The following GRM8 variants were observed in gnomAD, a reference collection of about 807,000 sequenced individuals.
GRM8 encodes the protein glutamate metabotropic receptor 8, also known as metabotropic glutamate receptor 8.
In GRM8, 47 loss-of-function variants were observed where a neutral mutation model predicts 87.2. The observed-to-expected ratio is 0.54, with a 90% CI of 0.43 to 0.69. The LOEUF is 0.69. Ranked by LOEUF, GRM8 falls within the 30% of genes least tolerant of loss-of-function variation. GRM8 has a pLI of 0.00. For missense variants in GRM8, 1,019 were observed against 1,139.2 expected (o/e 0.89, Z 1.52); for synonymous variants, 396 against 404.5 (o/e 0.98, Z 0.25).
At chr7:126,671,508 T>A (rs1806383025) in intron 7 of GRM8, among the ~76,000 whole-genome samples, 1 of 152,218 alleles carries the variant, frequency 6.6e-6, no homozygotes, top group African/African-American at 2.4e-5. Context: ...AAACTTATCA[T>A]ATGCTTGTCA....
chr7:126,690,842 G>A (rs1266945856), intron 7 of GRM8, among the ~76,000 whole-genome samples: 1 of 152,120 alleles, frequency 6.6e-6, no homozygotes, highest in African/African-American at 2.4e-5. Flanking sequence ...GACCCATAAT[G>A]TGTAGCTCCT....
intron 6 of GRM8, among the ~76,000 whole-genome samples, chr7:126,898,410 T>C: frequency 6.6e-6 from 1 of 152,184 alleles, no homozygotes; most frequent in Non-Finnish European, 1.5e-5. Context: ...TGTTGCTTTT[T>C]TAAAAAATTA....
intron 9 of GRM8, among the ~76,000 whole-genome samples, chr7:126,500,660 T>C (rs1302201949): frequency 6.6e-6 from 1 of 152,038 alleles, no homozygotes; most frequent in East Asian, 1.9e-4. Flanking sequence ...GTAAGTTTAA[T>C]ATGTAAAAAA....
At chr7:126,759,588 T>C (rs894842547) in intron 7 of GRM8, among the ~76,000 whole-genome samples, 1 of 152,148 alleles carries the variant, frequency 6.6e-6, no homozygotes, top group Non-Finnish European at 1.5e-5. Flanking sequence ...AAATACCCTG[T>C]TGGTTGGTGC....
chr7:127,170,082 A>G (rs895646321), intron 2 of GRM8, among the ~76,000 whole-genome samples: 17 of 152,210 alleles, frequency 1.1e-4, no homozygotes, highest in Non-Finnish European at 2.2e-4. Flanking sequence ...TATACCTACC[A>G]TAGATAGTGA....
intron 8 of GRM8, among the ~76,000 whole-genome samples, chr7:126,551,681 C>A (rs565041292): frequency 7.4e-6 from 1 of 134,718 alleles, no homozygotes; most frequent in Non-Finnish European, 1.7e-5. Context: ...GGCAACCATA[C>A]GTAATTTTTT....
At chr7:126,822,648 C>T (rs1455903604) in intron 6 of GRM8, among the ~76,000 whole-genome samples, 2 of 151,982 alleles carry the variant, frequency 1.3e-5, no homozygotes, top group African/African-American at 4.8e-5. Flanking sequence ...TAGCACACTA[C>T]AGCCTCAGAC....
intron 8 of GRM8, among the ~76,000 whole-genome samples, chr7:126,579,442 G>A (rs867877198): frequency 2.0e-5 from 3 of 152,050 alleles, no homozygotes; most frequent in South Asian, 2.1e-4. Flanking sequence ...AGGAACTTTC[G>A]ATTCACATAT....
At chr7:126,860,837 A>G (rs1439548403) in intron 6 of GRM8, among the ~76,000 whole-genome samples, 1 of 152,162 alleles carries the variant, frequency 6.6e-6, no homozygotes, top group Non-Finnish European at 1.5e-5. Context: ...TTTAAAATAT[A>G]CTTTTTATAT....
At chr7:126,936,459 G>A (rs980167411) in intron 3 of GRM8, among the ~76,000 whole-genome samples, 3 of 151,980 alleles carry the variant, frequency 2.0e-5, no homozygotes, top group Admixed American at 2.0e-4. Flanking sequence ...CCCACTATCC[G>A]CTGTTCACTC....
intron 2 of GRM8, among the ~76,000 whole-genome samples, chr7:127,221,480 T>C (rs1365711159): frequency 6.6e-6 from 1 of 152,144 alleles, no homozygotes; most frequent in African/African-American, 2.4e-5. Context: ...TAGGACCAGG[T>C]TGCCCGTAGC....
At chr7:127,016,742 G>T in intron 3 of GRM8, among the ~76,000 whole-genome samples, 1 of 152,146 alleles carries the variant, frequency 6.6e-6, no homozygotes, top group Non-Finnish European at 1.5e-5. Context: ...TGTAAGTCAC[G>T]AATCTAAAGC....
chr7:126,920,695 C>A (rs1804427759), intron 3 of GRM8, among the ~76,000 whole-genome samples: 1 of 152,118 alleles, frequency 6.6e-6, no homozygotes, highest in Admixed American at 6.6e-5. Flanking sequence ...AGAGGATGAA[C>A]TCAGGGACAT....
chr7:127,157,203 A>G (rs1307688524), intron 2 of GRM8, among the ~76,000 whole-genome samples: 4 of 109,016 alleles, frequency 3.7e-5, no homozygotes, highest in Non-Finnish European at 6.6e-5. Context: ...AATGAGAACA[A>G]ATAAGAAAGA....
intron 2 of GRM8, among the ~76,000 whole-genome samples, chr7:127,223,595 G>T (rs939683097): frequency 6.6e-6 from 1 of 151,914 alleles, no homozygotes; most frequent in Non-Finnish European, 1.5e-5. Context: ...GAGTGTGGAG[G>T]CTGGCCTTTC....
chr7:127,083,208 T>C (rs1032795617), intron 3 of GRM8, among the ~76,000 whole-genome samples: 2 of 152,238 alleles, frequency 1.3e-5, no homozygotes, highest in Non-Finnish European at 2.9e-5. Flanking sequence ...CATTTCTTTT[T>C]GTTTTCCTCA....
chr7:126,485,218 G>A, intron 9 of GRM8, among the ~76,000 whole-genome samples: 1 of 151,958 alleles, frequency 6.6e-6, no homozygotes, highest in South Asian at 2.1e-4. Context: ...TAGACAAAAT[G>A]GACACAGAAT....
At chr7:126,669,283 A>G (rs1407423964) in intron 7 of GRM8, among the ~76,000 whole-genome samples, 1 of 152,174 alleles carries the variant, frequency 6.6e-6, no homozygotes, top group African/African-American at 2.4e-5. Context: ...ATGTATACCT[A>G]TGTAACAAAC....
intron 3 of GRM8, among the ~76,000 whole-genome samples, chr7:127,105,978 A>C (rs534127137): frequency 6.6e-6 from 1 of 152,290 alleles, no homozygotes; most frequent in East Asian, 1.9e-4. Flanking sequence ...ATCACACCCT[A>C]AGCTTCAGAG....
Sources: gnomAD v4.1 joint callset for allele counts (sites outside exome capture counted in the v4.1 genomes callset) on GRCh38, gnomAD v4.1.1 for gene constraint, MANE v1.5 for transcripts, NCBI Gene and HGNC (gene_info 2026-07-23, HGNC 2026-07-21) for gene names.